The following NOS3 variants were observed in gnomAD, a reference collection of about 807,000 sequenced individuals.
The protein encoded by NOS3 is nitric oxide synthase 3.
NOS3 carries 98 observed loss-of-function variants against 144.9 expected under a neutral mutation model. The ratio of observed to expected loss-of-function variants is 0.68; its 90% CI spans 0.57 to 0.80. The LOEUF (loss-of-function observed/expected upper bound fraction) is 0.80, where lower values mean the gene tolerates loss of function less well. Ranked by LOEUF, NOS3 falls within the 30% of genes least tolerant of loss-of-function variation. The probability of loss-of-function intolerance (pLI) is 0.00; values close to 1 mark genes in which losing one functional copy is unlikely to be tolerated. For missense variants in NOS3, 1,465 were observed against 1,656.4 expected, an observed-to-expected ratio of 0.88 and a Z score of 2.01; for synonymous variants, 714 against 702.4, an observed-to-expected ratio of 1.02 and a Z score of -0.26.
intron 4 of NOS3, 63 bp downstream of exon 4, chr7:150,996,615 G>T (rs1026851972): frequency 7.8e-6 from 12 of 1,534,474 alleles, no homozygotes; most frequent in Non-Finnish European, 9.7e-6. Flanking sequence ...ACCCCGTGAC[G>T]ACCTTCCCAT....
At chr7:151,013,685 A>ACCCCCACCAGGGCCCG in intron 25 of NOS3, 39 bp from the exon 26 acceptor site, 1 of 702,370 alleles carries the variant, frequency 1.4e-6, no homozygotes, top group Non-Finnish European at 2.3e-6. Flanking sequence ...CCCCGCGCCC[A>ACCCCCACCAGGGCCCG]CCCCCACCAG....
Position 151,009,567 on chromosome 7 carries a change from C to A in NOS3, c.2494C>A (p.Leu832Met). 6.5e-7 allele frequency: 1 copy of A among 1,538,874 alleles called. No homozygotes were observed. Among genetic ancestry groups the A allele is most frequent in the Non-Finnish European group, 8.8e-7 (1 of 1,142,386 alleles). Reference protein sequence around the residue: ...APTEPVAVEQLEKGSPGGPPP... With the variant: ...APTEPVAVEQMEKGSPGGPPP... The stretch of plus-strand genomic sequence containing the variant: ...CACTGAGCCCGTGGCAGTAGAGCAG[C>A]TGGAGAAGGGCAGCCCTGGTGAGGG... Residue 832 changes from leucine to methionine, a missense_variant, in exon 20 of 27, where the codon CTG becomes ATG. By Grantham distance (15) the Leu-to-Met change is conservative (BLOSUM62 2). This residue lies in a region of NOS3 where 745 missense variants were observed against 853.9 expected (regional missense o/e 0.87). Transcript: ENST00000297494.
intron 20 of NOS3, 63 bp from the exon 21 acceptor site, chr7:151,010,049 ACAT>A (rs765646083): frequency 1.2e-5 from 12 of 1,007,286 alleles, no homozygotes; most frequent in African/African-American, 1.6e-5. Flanking sequence ...CAAAACACAA[ACAT>A]CAGCCCAGGT....
rs755808036 is a variant in NOS3 at position 150,998,345 on chromosome 7, C to T, written c.583-12C>T. On this transcript the variant is annotated splice_polypyrimidine_tract_variant and intron_variant, in intron 5 of 26. Coordinates refer to ENST00000297494, the MANE Select transcript of NOS3 (RefSeq NM_000603.5). The surrounding 1 kb of genome is among the most constrained non-coding windows in gnomAD (Gnocchi z 5.0). ...TCCTCACCCTCCTCTCCCGCTGCCT[C>T]GGCTGGCTCAGGTGTTCGATGCCCG... is the stretch of plus-strand genomic sequence containing the variant. 6.2e-6 allele frequency: 10 copies of T among 1,609,612 alleles called. No individual in the cohort carries two copies. The highest frequency in any genetic ancestry group is 8.5e-6 in the Non-Finnish European group (10 of 1,178,748).
intron 5 of NOS3, among the ~76,000 whole-genome samples, chr7:150,997,227 G>T (rs1802451338): frequency 6.6e-6 from 1 of 151,668 alleles, no homozygotes; most frequent in African/African-American, 2.4e-5. Context: ...GGGTGAGGAA[G>T]TCTAGACCTG....
Position 150,998,975 on chromosome 7 carries a change from A to G in NOS3, c.846A>G (p.Gly282=). Residue 282 remains glycine, a synonymous_variant, in exon 8 of 27, where the codon GGA becomes GGG. Transcript: ENST00000297494. The surrounding 1 kb of genome is among the most constrained non-coding windows in gnomAD (Gnocchi z 5.0). ...GCATTCAGCACGGCTGGACCCCAGG[A>G]AACGGTCGCTTCGACGTGCTGCCCC... ...ELCIQHGWTP[G]NGRFDVLPLL... 1 of 1,612,560 alleles carries G rather than the reference A, an allele frequency of 6.2e-7. No homozygotes were observed. Among genetic ancestry groups the G allele is most frequent in the South Asian group, 1.1e-5 (1 of 91,064 alleles).
At position 151,009,648 on chromosome 7, in the gene NOS3, C is replaced by T. The variant is rs554263131; in HGVS notation, c.2512+63C>T. On this transcript the variant is annotated intron_variant, in intron 20 of 26. Coordinates refer to ENST00000297494, the MANE Select transcript of NOS3 (RefSeq NM_000603.5). ...CCCATGCCCAGCCCCACCCCCGGCC[C>T]CAGGCCTCCAGGAGCTCAGGACCCG... 458 of 1,386,538 alleles carry T rather than the reference C, an allele frequency of 3.3e-4. 2 individuals carry two copies. In the African/African-American group the frequency reaches 6.1e-3, roughly 18 times the overall value. 85.9% of individuals were successfully genotyped at this position (1,386,538 alleles called of 1,614,324 possible). A position where few individuals can be genotyped will look rare whatever the true frequency, so the allele number is the denominator to read the frequency against.
Position 151,010,948 on chromosome 7 carries a change from G to C in NOS3, c.2946G>C (p.Gln982His). The C allele has an allele frequency of 6.2e-7, 1 of 1,613,980 alleles. No individual in the cohort carries two copies. The highest frequency in any genetic ancestry group is 1.1e-5 in the South Asian group (1 of 91,014). The change falls in exon 23 of 27, where the codon CAG (glutamine) becomes CAC (histidine). Residue 982 changes from glutamine (Q) to histidine (H), a missense_variant. Gln to His is a conservative substitution (Grantham distance 24). Coordinates refer to ENST00000297494, the MANE Select transcript of NOS3 (RefSeq NM_000603.5). ...HYGVCSTWLSQLKPGDPVPCF... is the reference protein window; with the variant it reads ...HYGVCSTWLSHLKPGDPVPCF... ...GAGTCTGCTCCACGTGGCTAAGCCA[G>C]CTCAAGCCCGGAGACCCTGTGCCCT...
chr7:150,992,612 C>T (rs547234259), intron 1 of NOS3, among the ~76,000 whole-genome samples: 6 of 152,284 alleles, frequency 3.9e-5, no homozygotes, highest in East Asian at 3.9e-4. Flanking sequence ...TTCCGCCTGC[C>T]GGCCCCCCAC....
rs772317436 is a variant in NOS3, at chr7:151,007,163, G to T, written c.1999G>T (p.Val667Leu). The T allele has an allele frequency of 6.2e-7, 1 of 1,613,816 alleles. No homozygotes were observed. Among genetic ancestry groups the T allele is most frequent in the Non-Finnish European group, 8.5e-7 (1 of 1,179,958 alleles). ...YPHFCAFARA[V>L]DTRLEELGGE... The stretch of plus-strand genomic sequence containing the variant: ...CCACTTCTGCGCCTTTGCTCGTGCC[G>T]TGGACACACGGCTGGAGGAACTGGG... Residue 667 changes from valine (V) to leucine (L), a missense_variant, in exon 17 of 27, where the codon GTG becomes TTG. Around this residue, in one of 5 missense-constraint regions of NOS3, gnomAD observed 745 missense variants for 853.9 expected, o/e 0.87. Coordinates refer to ENST00000297494, the MANE Select transcript of NOS3 (RefSeq NM_000603.5).
rs1472698566 is a variant in NOS3, at chr7:150,998,506, G to A, written c.675-33G>A. The A allele has an allele frequency of 1.2e-6, 2 of 1,611,068 alleles. No individual in the cohort carries two copies. Among genetic ancestry groups the A allele is most frequent in the South Asian group, 1.1e-5 (1 of 90,752 alleles). On this transcript the variant is annotated intron_variant, in intron 6 of 26. Transcript: ENST00000297494. This position sits in a 1 kb window ranked among gnomAD's most constrained non-coding sequence, Gnocchi z 5.0. ...TTCTTCCCCAAGGCAGGGAAGGCGG[G>A]GCTCTGACCAGCTCTTTCCCCATGC...
rs3918205 is a variant in NOS3, at chr7:151,011,627, A to T, written c.2984+641A>T. ...ACTCTGTCTCAAAAAAAAAAAAAAAAATATTCTCCTGTCTCAGCCTCCTGA... is the reference window on the plus strand; with the variant it reads ...ACTCTGTCTCAAAAAAAAAAAAAAATATATTCTCCTGTCTCAGCCTCCTGA... On this transcript the variant is annotated intron_variant, in intron 23 of 26. Coordinates refer to ENST00000297494, the MANE Select transcript of NOS3 (RefSeq NM_000603.5). 4.0e-3 allele frequency among the ~76,000 whole-genome samples: 594 copies of T among 150,068 alleles called. 3 individuals are homozygous for T. The highest frequency in any genetic ancestry group is 0.013 in the African/African-American group (541 of 40,560).
At position 151,001,868 on chromosome 7, in the gene NOS3, G is replaced by A; in HGVS notation, c.1550G>A (p.Arg517Gln). Residue 517 changes from arginine (R) to glutamine (Q), a missense_variant, in exon 13 of 27, where the codon CGA (arginine) becomes CAA (glutamine). This residue lies in a region of NOS3 where 745 missense variants were observed against 853.9 expected (regional missense o/e 0.87). Coordinates refer to ENST00000297494, the MANE Select transcript of NOS3 (RefSeq NM_000603.5). ...CTCATGGGCACGGTGATGGCGAAGC[G>A]AGTGAAGGCGACAATCCTGTATGGC... ...ASLMGTVMAK[R>Q]VKATILYGSE... 6 of 1,613,734 alleles carry A rather than the reference G, an allele frequency of 3.7e-6. No individual in the cohort carries two copies. The highest frequency in any genetic ancestry group is 1.3e-5 in the African/African-American group (1 of 75,066).
chr7:150,994,196 GTTTGAATGCTGC>G (rs1049773482), intron 2 of NOS3, among the ~76,000 whole-genome samples: 1 of 152,192 alleles, frequency 6.6e-6, no homozygotes, highest in Non-Finnish European at 1.5e-5. Context: ...TCTGGCCAGG[GTTTGAATGCTGC>G]TCTGCCGCCA....
intron 24 of NOS3, 40 bp from the exon 25 acceptor site, chr7:151,013,191 C>T (rs1255687315): frequency 2.5e-6 from 4 of 1,589,522 alleles, no homozygotes; most frequent in Non-Finnish European, 3.4e-6. Context: ...TAGCACTGTG[C>T]CCCGGAGAAG....
intron 22 of NOS3, 36 bp downstream of exon 22, chr7:151,010,843 A>G (rs1428028588): frequency 1.2e-6 from 2 of 1,606,966 alleles, no homozygotes; most frequent in South Asian, 2.2e-5. Flanking sequence ...TGGCCACAGC[A>G]GGGTTGGGAC....
chr7:150,994,868 C>A (rs1428308621), intron 2 of NOS3, among the ~76,000 whole-genome samples: 3 of 152,212 alleles, frequency 2.0e-5, no homozygotes, highest in Non-Finnish European at 4.4e-5. Flanking sequence ...AAGCACCAGG[C>A]TCTGTCCCCC....
chr7:150,999,607 TGA>T (rs2043366894), intron 9 of NOS3, among the ~76,000 whole-genome samples: 1 of 144,784 alleles, frequency 6.9e-6, no homozygotes, highest in Non-Finnish European at 1.5e-5. Flanking sequence ...GTGCAGTGGG[TGA>T]GAGTGTGGGC....
chr7:151,008,283 A>G (rs997525793), intron 17 of NOS3, among the ~76,000 whole-genome samples: 1 of 152,094 alleles, frequency 6.6e-6, no homozygotes, highest in Admixed American at 6.5e-5. Flanking sequence ...ACCACAAAAG[A>G]AAGATTAACG....
Sources: gnomAD v4.1 joint callset for allele counts (sites outside exome capture counted in the v4.1 genomes callset) on GRCh38, gnomAD v4.1.1 for gene constraint, gnomAD v4.1.1 regional missense constraint, Gnocchi (gnomAD v3.1) non-coding constraint, MANE v1.5 for transcripts, NCBI Gene and HGNC (gene_info 2026-07-23, HGNC 2026-07-21) for gene names.